INPP5E: variants seen among roughly 807,000 people sequenced by gnomAD.
INPP5E encodes the protein phosphatidylinositol polyphosphate 5-phosphatase type IV.
INPP5E carries 34 observed loss-of-function variants against 50.5 expected under a neutral mutation model. That is an observed-to-expected ratio of 0.67 (90% CI 0.51 to 0.90). The LOEUF is 0.90. Ranked by LOEUF, INPP5E falls within the 40% of genes least tolerant of loss-of-function variation. The probability of loss-of-function intolerance (pLI) is 0.00; values close to 1 mark genes in which losing one functional copy is unlikely to be tolerated. For synonymous variants in INPP5E, 447 were observed against 406.0 expected, an observed-to-expected ratio of 1.10 and a Z score of -1.21; for missense variants, 942 against 905.5, an observed-to-expected ratio of 1.04 and a Z score of -0.52.
Position 136,433,533 on chromosome 9 carries a change from G to A in INPP5E, c.1035-254C>T, listed in dbSNP as rs144746258. 3.9e-3 allele frequency among the ~76,000 whole-genome samples: 592 copies of A among 151,942 alleles called. 5 individuals carry two copies. The highest frequency in any genetic ancestry group is 0.022 in the East Asian group (115 of 5,138). On this transcript the variant is annotated intron_variant, in intron 3 of 9. Transcript: ENST00000371712. Reference sequence around the variant, plus strand: ...GACCCCAGTGAGCAGAGCTCCTCCCGCCTGAGGGACTCATGGGCCAGGGAG... The same window carrying A: ...GACCCCAGTGAGCAGAGCTCCTCCCACCTGAGGGACTCATGGGCCAGGGAG...
In INPP5E at chr9:136,431,755, T is replaced by A. The variant is rs1402951113; in HGVS notation, c.1549+69A>T. The A allele has an allele frequency of 1.2e-5, 2 of 165,926 alleles. 1 individual carries two copies. The highest frequency in any genetic ancestry group is 2.4e-5 in the Non-Finnish European group (2 of 84,838). The allele number at this position is 165,926 out of a possible 1,614,324, so 10.3% of individuals were successfully genotyped here. A position where few individuals can be genotyped will look rare whatever the true frequency, so the allele number is the denominator to read the frequency against. ...AGGCCCTCACCTCTCCTCATCTCCC[T>A]CCACGCCCGCCCCCCCAGGCCCTCA... On this transcript the variant is annotated intron_variant, in intron 7 of 9. Transcript: ENST00000371712.
At chr9:136,434,207 G>A (rs945704477) in intron 2 of INPP5E, 73 bp from the exon 3 acceptor site, 14 of 1,019,320 alleles carry the variant, frequency 1.4e-5, no homozygotes, top group East Asian at 5.1e-5. Context: ...ATCCCACTGC[G>A]GTGCCTTGAG....
chr9:136,434,117 C>T lies in INPP5E; in HGVS notation c.954G>A (p.Leu318=). 1 of 1,609,020 alleles carries T rather than the reference C, an allele frequency of 6.2e-7. No homozygotes were observed. Residue 318 remains leucine, a synonymous_variant, in exon 3 of 10, where the codon CTG becomes CTA. Coordinates refer to ENST00000371712, the MANE Select transcript of INPP5E (RefSeq NM_019892.6). ...CCTCGGCTGGGAGCAGGAACTCGTC[C>T]AGGCTGGGCGGGAGCTCCTGGAAGG... The part of the protein sequence containing the change: ...MQGQKELPPS[L]DEFLLPAEAD...
At position 136,428,686 on chromosome 9, in the gene INPP5E, T is replaced by A. The variant is rs994805971; in HGVS notation, c.*989A>T. On this transcript the variant is annotated 3_prime_UTR_variant, in exon 10 of 10. Transcript: ENST00000371712. Reference sequence around the variant, plus strand: ...GGAAAAATAATTTAAAAGACTAGATTGAATGTCCCTAGATTTTCACACATT... The same window carrying A: ...GGAAAAATAATTTAAAAGACTAGATAGAATGTCCCTAGATTTTCACACATT... The A allele has an allele frequency of 1.3e-5, 2 of 152,540 alleles. No homozygotes were observed. The highest frequency in any genetic ancestry group is 2.9e-5 in the Non-Finnish European group (2 of 68,040). 9.4% of individuals were successfully genotyped at this position (152,540 alleles called of 1,614,324 possible).
intron 9 of INPP5E, among the ~76,000 whole-genome samples, 192 bp from the exon 10 acceptor site, chr9:136,429,999 AG>A (rs1260507845): frequency 3.9e-5 from 6 of 152,220 alleles, no homozygotes; most frequent in Admixed American, 2.6e-4. Flanking sequence ...ACAGAGCCGC[AG>A]GAAGGACAGG....
chr9:136,431,029 G>A lies in INPP5E; in HGVS notation c.1638C>T (p.Thr546=). ...FDIGKDTYDS[T]SKQRTPSYTD... Reference sequence around the variant, plus strand: ...TGTATGAGGGCGTCCTCTGCTTGGAGGTGCTGTCGTACGTGTCCTTCCCGA... The same window carrying A: ...TGTATGAGGGCGTCCTCTGCTTGGAAGTGCTGTCGTACGTGTCCTTCCCGA... The change falls in exon 8 of 10, where the codon ACC becomes ACT. Residue 546 remains threonine, a synonymous_variant. Coordinates refer to ENST00000371712, the MANE Select transcript of INPP5E (RefSeq NM_019892.6). The A allele has an allele frequency of 1.2e-6, 2 of 1,612,910 alleles. No homozygotes were observed. Among genetic ancestry groups the A allele is most frequent in the Admixed American group, 1.7e-5 (1 of 59,960 alleles).
At chr9:136,434,447 G>A (rs544449560) in intron 2 of INPP5E, among the ~76,000 whole-genome samples, 5 of 150,930 alleles carry the variant, frequency 3.3e-5, no homozygotes, top group African/African-American at 4.9e-5. Flanking sequence ...CGCGTGCCCC[G>A]CTGGCCGCCC....
At chr9:136,436,167 C>G (rs1835825107) in intron 1 of INPP5E, 1 of 152,290 alleles carries the variant, frequency 6.6e-6, no homozygotes, top group Non-Finnish European at 1.5e-5. Context: ...CAGGGAGGAA[C>G]CTCGCTACCT....
rs1467683377 is a variant in INPP5E at position 136,428,696 on chromosome 9, T to C, written c.*979A>G. ...TTTAAAAGACTAGATTGAATGTCCCTAGATTTTCACACATTCAAAGACTAC... is the reference window on the plus strand; with the variant it reads ...TTTAAAAGACTAGATTGAATGTCCCCAGATTTTCACACATTCAAAGACTAC... On this transcript the variant is annotated 3_prime_UTR_variant, in exon 10 of 10. Coordinates refer to ENST00000371712, the MANE Select transcript of INPP5E (RefSeq NM_019892.6). The C allele has an allele frequency of 6.6e-6, 1 of 152,616 alleles. No individual in the cohort carries two copies. Among genetic ancestry groups the C allele is most frequent in the Admixed American group, 6.5e-5 (1 of 15,282 alleles). 9.5% of individuals were successfully genotyped at this position (152,616 alleles called of 1,614,324 possible).
In INPP5E at chr9:136,430,300, C is replaced by T. The variant is rs1402342668; in HGVS notation, c.1779G>A (p.Val593=). Reference sequence around the variant, plus strand: ...ACTTGTCTCGCCCCGGCCTCACTTTCACCCGGAAGAGGCCATACACAGGGC... The same window carrying T: ...ACTTGTCTCGCCCCGGCCTCACTTTTACCCGGAAGAGGCCATACACAGGGC... The part of the protein sequence containing the change: ...DHRPVYGLFR[V]KVRPGRDNIP... Residue 593 remains valine (V), a synonymous_variant, in exon 9 of 10, where the codon GTG becomes GTA. Coordinates refer to ENST00000371712, the MANE Select transcript of INPP5E (RefSeq NM_019892.6). 2 of 1,551,524 alleles carry T rather than the reference C, an allele frequency of 1.3e-6. No homozygotes were observed. Among genetic ancestry groups the T allele is most frequent in the African/African-American group, 1.4e-5 (1 of 73,078 alleles).
In INPP5E at chr9:136,431,868, G is replaced by C. The variant is rs769531967; in HGVS notation, c.1505C>G (p.Pro502Arg). 1 of 1,607,956 alleles carries C rather than the reference G, an allele frequency of 6.2e-7. No homozygotes were observed. The highest frequency in any genetic ancestry group is 8.5e-7 in the Non-Finnish European group (1 of 1,178,756). The change falls in exon 7 of 10, where the codon CCG (proline) becomes CGG (arginine). Residue 502 changes from proline (P) to arginine (R), a missense_variant. Physicochemically the swap from Pro to Arg is moderately radical, Grantham distance 103. Coordinates refer to ENST00000371712, the MANE Select transcript of INPP5E (RefSeq NM_019892.6). ...GAGCTGGTCGTGCTGCAGCAGCGCC[G>C]GCACGTCCACCACCAGGCCCTGGCA... ...LLCQGLVVDV[P>R]ALLQHDQLIR... is the part of the protein sequence containing the mutation.
At chr9:136,430,536 C>T (rs1835676666) in intron 8 of INPP5E, 123 bp from the exon 9 acceptor site, 1 of 1,194,430 alleles carries the variant, frequency 8.4e-7, no homozygotes, top group East Asian at 2.5e-5. Flanking sequence ...ACCCCTGACA[C>T]TCATGCCCAT....
Position 136,432,481 on chromosome 9 carries a change from G to T in INPP5E, c.1385C>A (p.Ala462Glu). The T allele has an allele frequency of 6.5e-7, 1 of 1,546,392 alleles. No homozygotes were observed. The highest frequency in any genetic ancestry group is 8.7e-7 in the Non-Finnish European group (1 of 1,143,172). Reference sequence around the variant, plus strand: ...ACACGCAGCGTGGACGCCCTCACCTGCGCTGGAGCGATAGGGGTTGGTGTC... The same window carrying T: ...ACACGCAGCGTGGACGCCCTCACCTTCGCTGGAGCGATAGGGGTTGGTGTC... ...VPDTNPYRSS[A>E]ADVTTRFDEV... Residue 462 changes from alanine to glutamate, a missense_variant and splice_region_variant, in exon 6 of 10, where the codon GCA becomes GAA. Coordinates refer to ENST00000371712, the MANE Select transcript of INPP5E (RefSeq NM_019892.6).
rs1044266896 is a variant in INPP5E, at chr9:136,428,675, A to G, written c.*1000T>C. On this transcript the variant is annotated 3_prime_UTR_variant, in exon 10 of 10. Transcript: ENST00000371712. ...AATATAAATATGGAAAAATAATTTA[A>G]AAGACTAGATTGAATGTCCCTAGAT... 5 of 152,516 alleles carry G rather than the reference A, an allele frequency of 3.3e-5. No individual in the cohort carries two copies. Among genetic ancestry groups the G allele is most frequent in the African/African-American group, 7.2e-5 (3 of 41,464 alleles). The allele number at this position is 152,516 out of a possible 1,614,324, so 9.4% of individuals were successfully genotyped here.
Position 136,431,037 on chromosome 9 carries a change from C to T in INPP5E, c.1630G>A (p.Asp544Asn), listed in dbSNP as rs1161636527. ...YKFDIGKDTY[D>N]STSKQRTPSY... ...GGCGTCCTCTGCTTGGAGGTGCTGT[C>T]GTACGTGTCCTTCCCGATGTCAAAC... The change falls in exon 8 of 10, where the codon GAC becomes AAC. Residue 544 changes from aspartate to asparagine, a missense_variant. By Grantham distance (23) the Asp-to-Asn change is conservative. Transcript: ENST00000371712. 11 of 1,613,124 alleles carry T rather than the reference C, an allele frequency of 6.8e-6. No individual in the cohort carries two copies. Among genetic ancestry groups the T allele is most frequent in the South Asian group, 2.2e-5 (2 of 91,062 alleles).
intron 1 of INPP5E, 27 bp from the exon 2 acceptor site, chr9:136,434,890 G>A: frequency 6.3e-7 from 1 of 1,594,136 alleles, no homozygotes; most frequent in Non-Finnish European, 8.5e-7. Flanking sequence ...CCAAGCTCAG[G>A]GCCAGGCACA....
chr9:136,434,597 T>C, intron 2 of INPP5E, 143 bp downstream of exon 2: 3 of 1,136,278 alleles, frequency 2.6e-6, no homozygotes, highest in Non-Finnish European at 3.8e-6. Flanking sequence ...CACCCTCCTG[T>C]ACTGCGGTTA....
intron 1 of INPP5E, 103 bp from the exon 2 acceptor site, chr9:136,434,966 A>AGC: frequency 7.1e-7 from 1 of 1,399,332 alleles, no homozygotes; most frequent in Admixed American, 2.0e-5. Flanking sequence ...GAATGTCAGG[A>AGC]GCTGCCCCCA....
At chr9:136,438,420 G>A (rs558519021) in intron 1 of INPP5E, 188 bp downstream of exon 1, 5 of 633,084 alleles carry the variant, frequency 7.9e-6, no homozygotes, top group African/African-American at 7.2e-5. Context: ...GAAACGCACA[G>A]GAAAAGTTCT....
Sources: allele counts gnomAD v4.1 joint callset (sites outside exome capture counted in the v4.1 genomes callset), GRCh38; gene constraint gnomAD v4.1.1; transcripts MANE v1.5; gene names NCBI Gene and HGNC (gene_info 2026-07-23, HGNC 2026-07-21).